The following KMT2C variants were observed in gnomAD, a reference collection of about 807,000 sequenced individuals.
The protein encoded by KMT2C is lysine methyltransferase 2C.
Under a neutral mutation model 507.9 loss-of-function variants are expected in KMT2C, and 88 were observed. The observed-to-expected ratio is 0.17, with a 90% CI of 0.15 to 0.21. KMT2C has a LOEUF of 0.21. Ranked by LOEUF, KMT2C falls within the 10% of genes least tolerant of loss-of-function variation. The pLI, the probability that KMT2C is intolerant of heterozygous loss-of-function variation, is 1.00. For synonymous variants in KMT2C, 2,049 were observed against 2,080.8 expected, an observed-to-expected ratio of 0.98 and a Z score of 0.42; for missense variants, 4,954 against 5,957.8, an observed-to-expected ratio of 0.83 and a Z score of 5.55.
chr7:152,163,683 G>T lies in KMT2C; in HGVS notation c.9894C>A (p.Thr3298=). 6.2e-7 allele frequency: 1 copy of T among 1,614,056 alleles called. No individual in the cohort carries two copies. Among genetic ancestry groups the T allele is most frequent in the South Asian group, 1.1e-5 (1 of 91,068 alleles). ...CCATGGGAAAGGTGGGTTGGCTCAT[G>T]GTGGGTGGAGTGGCACCTGGAATTA... ...PPLIPGATPP[T]MSQPTFPMVP... is the part of the protein sequence containing the mutation. The change falls in exon 43 of 59, where the codon ACC becomes ACA. Residue 3298 remains threonine, a synonymous_variant. Transcript: ENST00000262189.
intron 1 of KMT2C, chr7:152,367,604 A>G (rs1247206168): frequency 1.5e-6 from 2 of 1,324,292 alleles, no homozygotes; most frequent in Non-Finnish European, 2.2e-6. Flanking sequence ...GGTCCTTCTC[A>G]TAGAATTAAA....
In KMT2C at chr7:152,248,269, C is replaced by G. The variant is rs2129164171; in HGVS notation, c.2165G>C (p.Gly722Ala). 1 of 1,613,880 alleles carries G rather than the reference C, an allele frequency of 6.2e-7. No homozygotes were observed. The highest frequency in any genetic ancestry group is 8.5e-7 in the Non-Finnish European group (1 of 1,179,800). The change falls in exon 14 of 59, where the codon GGA becomes GCA. Residue 722 changes from glycine (G) to alanine (A), a missense_variant. Around this residue, in one of 29 missense-constraint regions of KMT2C, gnomAD observed 376 missense variants for 352.4 expected, o/e 1.07. Transcript: ENST00000262189. ...EEQLVIERLQ[G>A]EKEQKENSEL... ...AGAATTTTCTTTCTGTTCCTTTTCT[C>G]CTTGTAGCCTTTCTATAACCAACTG... is the stretch of plus-strand genomic sequence containing the variant.
chr7:152,414,476 C>A (rs1361388217), intron 1 of KMT2C, among the ~76,000 whole-genome samples: 1 of 150,624 alleles, frequency 6.6e-6, no homozygotes, highest in African/African-American at 2.4e-5. Flanking sequence ...TGCCATGAGC[C>A]GAGATTGTGC....
intron 1 of KMT2C, among the ~76,000 whole-genome samples, chr7:152,364,726 C>G (rs980231583): frequency 6.6e-6 from 1 of 151,592 alleles, no homozygotes; most frequent in Admixed American, 6.6e-5. Context: ...AAAAAAAAAT[C>G]TATTCAAAAT....
At position 152,394,553 on chromosome 7, in the gene KMT2C, T is replaced by C. The variant is rs868790893; in HGVS notation, c.162-35878A>G. On this transcript the variant is annotated intron_variant, in intron 1 of 58. Transcript: ENST00000262189. ...ATTCAAACATCAGCTCACTGAGGCCTTCTCTGATGGCCCCACTTAAAACAA... is the reference window on the plus strand; with the variant it reads ...ATTCAAACATCAGCTCACTGAGGCCCTCTCTGATGGCCCCACTTAAAACAA... Among the ~76,000 whole-genome samples the C allele has an allele frequency of 3.3e-5, 5 of 152,344 alleles. No individual in the cohort carries two copies. The South Asian group carries it at 1.0e-3, about 32-fold the overall frequency.
Position 152,375,045 on chromosome 7 carries a change from GTTGT to G in KMT2C, c.162-16374_162-16371del, listed in dbSNP as rs372615132. Among the ~76,000 whole-genome samples, 58 of 152,198 alleles carry G rather than the reference GTTGT, an allele frequency of 3.8e-4. 1 individual carries two copies. Among genetic ancestry groups the G allele is most frequent in the African/African-American group, 1.2e-3 (48 of 41,532 alleles). Reference sequence around the variant, plus strand: ...TTTTATTTCACGTCACAGATAATAAGTTGTTTGTTTGTTTGGGGACACAGTCTCA... The same window carrying G: ...TTTTATTTCACGTCACAGATAATAAGTTGTTTGTTTGGGGACACAGTCTCA... On this transcript the variant is annotated intron_variant, in intron 1 of 58. Transcript: ENST00000262189.
rs992437254 is a variant in KMT2C at position 152,136,085 on chromosome 7, G to A, written c.*747C>T. The A allele has an allele frequency of 4.6e-6, 1 of 216,958 alleles. No homozygotes were observed. The highest frequency in any genetic ancestry group is 9.3e-6 in the Non-Finnish European group (1 of 107,612). 13.4% of individuals were successfully genotyped at this position (216,958 alleles called of 1,614,324 possible). ...ATTTACATATCTGTACAAAGTAACA[G>A]GGTTTGTTAGTTCTGCAGGTAACAG... On this transcript the variant is annotated 3_prime_UTR_variant, in exon 59 of 59. Transcript: ENST00000262189.
chr7:152,281,858 A>G (rs1488498998), intron 6 of KMT2C, among the ~76,000 whole-genome samples: 1 of 152,186 alleles, frequency 6.6e-6, no homozygotes, highest in Non-Finnish European at 1.5e-5. Context: ...TTCAAGCCCA[A>G]TGAGTCAGGA....
intron 22 of KMT2C, among the ~76,000 whole-genome samples, chr7:152,221,661 T>C (rs558355516): frequency 7.9e-5 from 12 of 152,234 alleles, no homozygotes; most frequent in Admixed American, 1.3e-4. Flanking sequence ...AATTAAGAGA[T>C]TGAATTAATT....
At chr7:152,307,290 G>A (rs1230942624) in intron 6 of KMT2C, among the ~76,000 whole-genome samples, 7 of 133,576 alleles carry the variant, frequency 5.2e-5, no homozygotes, top group South Asian at 2.6e-4. Flanking sequence ...AGGAAGGAAG[G>A]AAGGAAGGAA....
chr7:152,218,450 C>T (rs1203900117), intron 23 of KMT2C, among the ~76,000 whole-genome samples: 2 of 152,126 alleles, frequency 1.3e-5, no homozygotes, highest in Non-Finnish European at 2.9e-5. Flanking sequence ...AGATTATAGG[C>T]ATGAGCCACC....
chr7:152,193,890 T>C, intron 31 of KMT2C, 119 bp downstream of exon 31: 1 of 805,934 alleles, frequency 1.2e-6, no homozygotes, highest in Non-Finnish European at 1.8e-6. Flanking sequence ...TTTTTCTCCC[T>C]ATCAGTTTGT....
chr7:152,358,216 T>C lies in KMT2C; in HGVS notation c.250+371A>G, dbSNP rs1283567211. Among the ~76,000 whole-genome samples the C allele has an allele frequency of 2.0e-5, 3 of 152,300 alleles. No individual in the cohort carries two copies. In the East Asian group the frequency reaches 5.8e-4, roughly 29 times the overall value. Reference sequence around the variant, plus strand: ...TTAATTCCATAACGAAACATACTACTTTTTTCAGAACACATATTAACAAAA... The same window carrying C: ...TTAATTCCATAACGAAACATACTACCTTTTTCAGAACACATATTAACAAAA... On this transcript the variant is annotated intron_variant, in intron 2 of 58. Coordinates refer to ENST00000262189, the MANE Select transcript of KMT2C (RefSeq NM_170606.3).
intron 38 of KMT2C, among the ~76,000 whole-genome samples, chr7:152,175,195 G>A (rs1223212053): frequency 6.6e-6 from 1 of 151,178 alleles, no homozygotes; most frequent in Admixed American, 6.6e-5. Context: ...CCCCAGGCTG[G>A]AGTGCAATGG....
chr7:152,230,430 T>G, intron 16 of KMT2C, 109 bp from the exon 17 acceptor site: 1 of 516,772 alleles, frequency 1.9e-6, no homozygotes, highest in South Asian at 3.5e-5. Flanking sequence ...TTGGCTAAGG[T>G]CTAGAATAAC....
chr7:152,163,057 C>T lies in KMT2C; in HGVS notation c.10520G>A (p.Arg3507Gln), dbSNP rs779359575. Residue 3507 changes from arginine to glutamine, a missense_variant, in exon 43 of 59, where the codon CGA (arginine) becomes CAA (glutamine). Around this residue, in one of 29 missense-constraint regions of KMT2C, gnomAD observed 801 missense variants for 751.2 expected, o/e 1.07. Transcript: ENST00000262189. ...AAATGAAGGAGGGCCTACCTGCCTTCGCTCATTAGTCTGCATGAAAGTTTG... is the reference window on the plus strand; with the variant it reads ...AAATGAAGGAGGGCCTACCTGCCTTTGCTCATTAGTCTGCATGAAAGTTTG... Reference protein sequence around the residue: ...STQTFMQTNERRQVGPPSFVP... With the variant: ...STQTFMQTNEQRQVGPPSFVP... 16 of 1,614,180 alleles carry T rather than the reference C, an allele frequency of 9.9e-6. No individual in the cohort carries two copies. Among genetic ancestry groups the T allele is most frequent in the South Asian group, 8.8e-5 (8 of 91,074 alleles).
chr7:152,400,963 G>A (rs1025926166), intron 1 of KMT2C, among the ~76,000 whole-genome samples: 3 of 151,994 alleles, frequency 2.0e-5, no homozygotes, highest in East Asian at 1.9e-4. Context: ...AAAATGAATC[G>A]TGAAAATATG....
At position 152,162,547 on chromosome 7, in the gene KMT2C, C is replaced by T. The variant is rs138012441; in HGVS notation, c.11030G>A (p.Cys3677Tyr). 1 of 1,614,110 alleles carries T rather than the reference C, an allele frequency of 6.2e-7. No individual in the cohort carries two copies. Among genetic ancestry groups the T allele is most frequent in the African/African-American group, 1.3e-5 (1 of 74,930 alleles). The change falls in exon 43 of 59, where the codon TGT becomes TAT. Residue 3677 changes from cysteine (C) to tyrosine (Y), a missense_variant. Around this residue, in one of 29 missense-constraint regions of KMT2C, gnomAD observed 801 missense variants for 751.2 expected, o/e 1.07. Transcript: ENST00000262189. ...STPNMAAGQLCTELENKLPNS... is the reference protein window; with the variant it reads ...STPNMAAGQLYTELENKLPNS... The stretch of plus-strand genomic sequence containing the variant: ...GGGCAGTTTGTTCTCTAATTCTGTA[C>T]ATAGCTGGCCTGCTGCCATATTGGG...
intron 55 of KMT2C, among the ~76,000 whole-genome samples, chr7:152,142,074 C>T (rs1455509662): frequency 1.3e-5 from 2 of 152,070 alleles, no homozygotes; most frequent in African/African-American, 4.8e-5. Context: ...TCTAAATGGC[C>T]CTTCAACAAC....
Sources: gnomAD v4.1 joint callset for allele counts (sites outside exome capture counted in the v4.1 genomes callset) on GRCh38, gnomAD v4.1.1 for gene constraint, gnomAD v4.1.1 regional missense constraint, MANE v1.5 for transcripts, NCBI Gene and HGNC (gene_info 2026-07-23, HGNC 2026-07-21) for gene names.